The following RASSF8 variants were observed in gnomAD, a reference collection of about 807,000 sequenced individuals.
RASSF8 encodes the protein ras association domain-containing protein 8.
RASSF8 carries 22 observed loss-of-function variants against 48.5 expected under a neutral mutation model. That is an observed-to-expected ratio of 0.45 (90% confidence interval 0.32 to 0.65). The LOEUF (loss-of-function observed/expected upper bound fraction) is 0.65, where lower values mean the gene tolerates loss of function less well. Ranked by LOEUF, RASSF8 falls within the 30% of genes least tolerant of loss-of-function variation. The probability of loss-of-function intolerance (pLI) is 0.03; values close to 1 mark genes in which losing one functional copy is unlikely to be tolerated. For synonymous variants in RASSF8, 127 were observed against 171.5 expected (o/e 0.74, Z 2.03); for missense variants, 418 against 489.2 (o/e 0.85, Z 1.37).
intron 2 of RASSF8, among the ~76,000 whole-genome samples, chr12:26,053,273 G>A (rs1389623434): frequency 6.6e-6 from 1 of 151,546 alleles, no homozygotes; most frequent in African/African-American, 2.4e-5. Context: ...ACCCTTTCTT[G>A]CTTGATTTCC....
chr12:26,013,408 G>C (rs899073674), intron 2 of RASSF8, among the ~76,000 whole-genome samples: 11 of 152,180 alleles, frequency 7.2e-5, no homozygotes, highest in Admixed American at 5.9e-4. Flanking sequence ...GCCTCCATGA[G>C]CTTAAGGGAG....
chr12:25,985,860 A>G (rs1941861603), intron 1 of RASSF8, among the ~76,000 whole-genome samples: 1 of 152,222 alleles, frequency 6.6e-6, no homozygotes, highest in South Asian at 2.1e-4. Context: ...TCGTATGCTG[A>G]CTGTCATTTA....
intron 1 of RASSF8, among the ~76,000 whole-genome samples, chr12:25,978,176 A>G (rs1386611984): frequency 6.6e-6 from 1 of 152,212 alleles, no homozygotes; most frequent in Admixed American, 6.5e-5. Context: ...CATACAGTAC[A>G]TTCTAGCTGA....
chr12:25,999,068 A>G (rs1410604644), intron 2 of RASSF8, among the ~76,000 whole-genome samples: 1 of 152,190 alleles, frequency 6.6e-6, no homozygotes, highest in Non-Finnish European at 1.5e-5. Context: ...TGGTTTTTAC[A>G]GGCTCTGGGA....
At chr12:26,043,433 A>T (rs1385327207) in intron 2 of RASSF8, among the ~76,000 whole-genome samples, 1 of 152,134 alleles carries the variant, frequency 6.6e-6, no homozygotes, top group Non-Finnish European at 1.5e-5. Context: ...CAGAGTTTGG[A>T]TTTTATCCTG....
intron 2 of RASSF8, among the ~76,000 whole-genome samples, chr12:26,054,149 C>T (rs574441583): frequency 2.6e-5 from 4 of 152,124 alleles, no homozygotes; most frequent in Non-Finnish European, 5.9e-5. Flanking sequence ...TGAATTTTAA[C>T]AACAAAGACG....
intron 2 of RASSF8, among the ~76,000 whole-genome samples, chr12:26,008,011 C>T (rs1314186561): frequency 3.9e-5 from 6 of 152,186 alleles, no homozygotes; most frequent in African/African-American, 1.4e-4. Context: ...CGGTGGCTCA[C>T]GCCTGTAATC....
rs1038112520 is a variant in RASSF8 at position 26,064,842 on chromosome 12, G to C, written c.448G>C (p.Glu150Gln). ...MDIFGKGKET[E>Q]FKQKVLNNCK... The stretch of plus-strand genomic sequence containing the variant: ...CATTTTTGGAAAAGGTAAAGAAACT[G>C]AGTTTAAGCAAAAGGTGCTGAATAA... The change falls in exon 4 of 6, where the codon GAG becomes CAG. Residue 150 changes from glutamate (E) to glutamine (Q), a missense_variant. Coordinates refer to ENST00000689635, the MANE Select transcript of RASSF8 (RefSeq NM_001394098.1). 8.7e-6 allele frequency: 14 copies of C among 1,614,050 alleles called. No individual in the cohort carries two copies. Among genetic ancestry groups the C allele is most frequent in the Non-Finnish European group, 1.2e-5 (14 of 1,180,036 alleles).
At position 25,958,737 on chromosome 12, in the gene RASSF8, C is replaced by T. The variant is rs1011207464; in HGVS notation, c.-614C>T. Among the ~76,000 whole-genome samples the T allele has an allele frequency of 1.8e-4, 26 of 146,640 alleles. No homozygotes were observed. Among genetic ancestry groups the T allele is most frequent in the South Asian group, 2.1e-4 (1 of 4,804 alleles). On this transcript the variant is annotated 5_prime_UTR_variant, in exon 1 of 6. Coordinates refer to ENST00000689635, the MANE Select transcript of RASSF8 (RefSeq NM_001394098.1). ...GCCGACTCCTACGCCCGCGCTCCTC[C>T]TACGCCCGCGCTCGTCCGGCGCCCC...
At chr12:25,995,922 G>A (rs553109333) in intron 2 of RASSF8, among the ~76,000 whole-genome samples, 29 of 152,174 alleles carry the variant, frequency 1.9e-4, no homozygotes, top group Non-Finnish European at 8.8e-5. Context: ...AAAGTTATGT[G>A]TGTGCATTTT....
chr12:26,020,103 G>A (rs746081746), intron 2 of RASSF8: 2 of 152,096 alleles, frequency 1.3e-5, no homozygotes, highest in Non-Finnish European at 2.9e-5. Context: ...AAAATCTGGA[G>A]AAGAGGGACT....
intron 2 of RASSF8, among the ~76,000 whole-genome samples, chr12:26,006,680 C>T (rs995429968): frequency 1.3e-5 from 2 of 152,116 alleles, no homozygotes; most frequent in African/African-American, 4.8e-5. Context: ...CATTGCTGTT[C>T]CAGGTAAACC....
chr12:26,070,199 A>G lies in RASSF8; in HGVS notation c.*1381A>G. ...TACATCCTCTGTATTATTTACATGC[A>G]ACAAAATAAAAGTGGATTAATATAG... On this transcript the variant is annotated 3_prime_UTR_variant, in exon 6 of 6. Coordinates refer to ENST00000689635, the MANE Select transcript of RASSF8 (RefSeq NM_001394098.1). The G allele has an allele frequency of 1.0e-6, 1 of 965,298 alleles. No individual in the cohort carries two copies. Among genetic ancestry groups the G allele is most frequent in the Non-Finnish European group, 1.2e-6 (1 of 811,666 alleles). 59.8% of individuals were successfully genotyped at this position (965,298 alleles called of 1,614,324 possible).
intron 2 of RASSF8, among the ~76,000 whole-genome samples, chr12:26,023,488 A>T (rs1942834487): frequency 6.6e-6 from 1 of 152,214 alleles, no homozygotes. Context: ...ATCACTTTCA[A>T]AAAGCTGAAA....
intron 2 of RASSF8, among the ~76,000 whole-genome samples, chr12:26,046,362 A>G (rs1274917839): frequency 6.6e-6 from 1 of 152,150 alleles, no homozygotes; most frequent in East Asian, 1.9e-4. Flanking sequence ...TGAGTGTTAG[A>G]TTTGCATCTG....
chr12:26,033,379 A>G (rs1363158871), intron 2 of RASSF8, among the ~76,000 whole-genome samples: 1 of 152,226 alleles, frequency 6.6e-6, no homozygotes, highest in Non-Finnish European at 1.5e-5. Context: ...TTTTGATTTC[A>G]CAATATAAAA....
At chr12:26,016,050 A>G (rs1187525938) in intron 2 of RASSF8, among the ~76,000 whole-genome samples, 1 of 152,118 alleles carries the variant, frequency 6.6e-6, no homozygotes, top group Non-Finnish European at 1.5e-5. Context: ...AGCAGTCATA[A>G]TCTCTAAAAT....
intron 2 of RASSF8, among the ~76,000 whole-genome samples, chr12:26,038,934 C>A (rs1943207972): frequency 6.6e-6 from 1 of 152,212 alleles, no homozygotes; most frequent in Non-Finnish European, 1.5e-5. Context: ...AAGTGTAGGA[C>A]TTTTTCCCTT....
At chr12:26,027,771 G>A (rs774505538) in intron 2 of RASSF8, among the ~76,000 whole-genome samples, 6 of 152,240 alleles carry the variant, frequency 3.9e-5, no homozygotes, top group Non-Finnish European at 7.3e-5. Flanking sequence ...GAAGCCATGA[G>A]TGTTACTTTG....
Sources: allele counts gnomAD v4.1 joint callset (sites outside exome capture counted in the v4.1 genomes callset), GRCh38; gene constraint gnomAD v4.1.1; transcripts MANE v1.5; gene names NCBI Gene and HGNC (gene_info 2026-07-23, HGNC 2026-07-21).